Variants in RAB3IL1 observed in about 807,000 individuals in gnomAD.
RAB3IL1 encodes the protein RAB3A interacting protein like 1, also known as guanine nucleotide exchange factor for Rab-3A.
RAB3IL1 carries 37 observed loss-of-function variants against 49.2 expected under a neutral mutation model. The ratio of observed to expected loss-of-function variants is 0.75; its 90% CI spans 0.58 to 0.99. The LOEUF (loss-of-function observed/expected upper bound fraction) is 0.99, where lower values mean the gene tolerates loss of function less well. Ranked by LOEUF, RAB3IL1 falls within the 50% of genes least tolerant of loss-of-function variation. RAB3IL1 has a pLI of 0.00. For missense variants in RAB3IL1, 484 were observed against 513.0 expected, an observed-to-expected ratio of 0.94 and a Z score of 0.55; for synonymous variants, 193 against 213.9, an observed-to-expected ratio of 0.90 and a Z score of 0.85.
At chr11:61,920,400 A>G, upstream of RAB3IL1, 3 of 575,152 alleles carry the variant, frequency 5.2e-6, no homozygotes, top group Non-Finnish European at 7.6e-6. Flanking sequence ...AGGCAGCAGA[A>G]GACACTGGGC....
Position 61,902,500 on chromosome 11 carries a change from C to T in RAB3IL1, c.941G>A (p.Arg314Gln), listed in dbSNP as rs752794464. Residue 314 changes from arginine (R) to glutamine (Q), a missense_variant, in exon 8 of 10, where the codon CGA (arginine) becomes CAA (glutamine). Coordinates refer to ENST00000394836, the MANE Select transcript of RAB3IL1 (RefSeq NM_013401.4). ...LSGLTRTCRH[R>Q]IRLGDSKSHY... ...GCTTTTGGAGTCCCCGAGCCGGATT[C>T]GGTGGCGGCAGGTGCGGGTCAGCCC... 2.9e-5 allele frequency: 47 copies of T among 1,604,636 alleles called. No individual in the cohort carries two copies. In the African/African-American group the frequency reaches 4.1e-4, roughly 14 times the overall value.
chr11:61,931,745 T>C, the RAB3IL1 span, among the ~76,000 whole-genome samples: 1 of 152,136 alleles, frequency 6.6e-6, no homozygotes, highest in Non-Finnish European at 1.5e-5. Flanking sequence ...CCTGATTCTA[T>C]GAAAGTAAAC....
At position 61,899,383 on chromosome 11, in the gene RAB3IL1, G is replaced by T; in HGVS notation, c.1000-3C>A. 1 of 1,608,154 alleles carries T rather than the reference G, an allele frequency of 6.2e-7. No homozygotes were observed. ...AAGAAGTTGCACACTGCGGTGATCT[G>T]TGGGCAGAGGTGGGGACGGTGTGAC... On this transcript the variant is annotated splice_region_variant and splice_polypyrimidine_tract_variant and intron_variant, in intron 8 of 9. Coordinates refer to ENST00000394836, the MANE Select transcript of RAB3IL1 (RefSeq NM_013401.4).
the RAB3IL1 span, among the ~76,000 whole-genome samples, chr11:61,936,050 G>T: frequency 6.6e-6 from 1 of 151,908 alleles, no homozygotes; most frequent in Non-Finnish European, 1.5e-5. Context: ...GGTCAATATA[G>T]ATTAGAGCAG....
chr11:61,903,032 C>A (rs989528138), intron 7 of RAB3IL1, among the ~76,000 whole-genome samples: 3 of 152,096 alleles, frequency 2.0e-5, no homozygotes, highest in Non-Finnish European at 4.4e-5. Context: ...CGTCTAAGAG[C>A]CTTCTCCCAT....
upstream of RAB3IL1, chr11:61,917,624 C>A (rs375339708): frequency 7.0e-6 from 7 of 1,000,668 alleles, no homozygotes; most frequent in African/African-American, 1.7e-5. Flanking sequence ...TCCGCCGGCC[C>A]GGCGCTGGGA....
chr11:61,923,794 A>G (rs1040672617), upstream of RAB3IL1, among the ~76,000 whole-genome samples: 16 of 152,206 alleles, frequency 1.1e-4, no homozygotes, highest in African/African-American at 3.9e-4. Flanking sequence ...AATGTTTTGC[A>G]GCCAAAGTCC....
the RAB3IL1 span, among the ~76,000 whole-genome samples, chr11:61,927,436 C>G: frequency 6.6e-6 from 1 of 152,156 alleles, no homozygotes; most frequent in Non-Finnish European, 1.5e-5. Flanking sequence ...AGTGCAAAGT[C>G]GTCTGGGAGC....
Position 61,908,212 on chromosome 11 carries a change from G to A in RAB3IL1, c.106C>T (p.Pro36Ser). 6.5e-7 allele frequency: 1 copy of A among 1,543,298 alleles called. No homozygotes were observed. Among genetic ancestry groups the A allele is most frequent in the Non-Finnish European group, 8.7e-7 (1 of 1,144,356 alleles). The change falls in exon 2 of 10, where the codon CCA becomes TCA. Residue 36 changes from proline (P) to serine (S), a missense_variant. By Grantham distance (74) the Pro-to-Ser change is moderately conservative (BLOSUM62 -1). Coordinates refer to ENST00000394836, the MANE Select transcript of RAB3IL1 (RefSeq NM_013401.4). ...GCAGAGGTCTCCACCAGGGCTCCTG[G>A]GGACTCCCTGTGGCCTTGGCAGGGG... ...TDPCQGHRESPGALVETSAGE... is the reference protein window; with the variant it reads ...TDPCQGHRESSGALVETSAGE...
At chr11:61,922,223 T>C (rs556881394), upstream of RAB3IL1, among the ~76,000 whole-genome samples, 6 of 139,424 alleles carry the variant, frequency 4.3e-5, no homozygotes, top group South Asian at 1.1e-3. Flanking sequence ...AAAAAAAAAG[T>C]TTAAAAAAAG....
At chr11:61,920,208 C>G, upstream of RAB3IL1, 1 of 1,254,266 alleles carries the variant, frequency 8.0e-7, no homozygotes, top group East Asian at 3.1e-5. Flanking sequence ...CAAGGCCAGA[C>G]TGAGGGTCCC....
At chr11:61,907,115 G>T (rs1457591522) in intron 4 of RAB3IL1, among the ~76,000 whole-genome samples, 1 of 152,188 alleles carries the variant, frequency 6.6e-6, no homozygotes, top group African/African-American at 2.4e-5. Context: ...GGGAGGAGAG[G>T]GAAGAAGGTA....
intron 1 of RAB3IL1, among the ~76,000 whole-genome samples, chr11:61,912,782 G>A (rs763926281): frequency 2.5e-4 from 38 of 152,180 alleles, no homozygotes; most frequent in Non-Finnish European, 4.0e-4. Flanking sequence ...CTGAGACAGC[G>A]CCCAAGTACT....
At chr11:61,925,588 TCACA>T in the RAB3IL1 span, among the ~76,000 whole-genome samples, 1 of 150,766 alleles carries the variant, frequency 6.6e-6, no homozygotes, top group Non-Finnish European at 1.5e-5. Context: ...TGAGCCAACA[TCACA>T]CCACTGCACT....
intron 1 of RAB3IL1, among the ~76,000 whole-genome samples, chr11:61,910,792 A>G (rs1939422852): frequency 6.6e-6 from 1 of 152,198 alleles, no homozygotes; most frequent in South Asian, 2.1e-4. Flanking sequence ...CCCCACCTTA[A>G]TCATCATGGC....
the RAB3IL1 span, among the ~76,000 whole-genome samples, chr11:61,927,944 T>C: frequency 1 from 152,107 of 152,298 alleles, 75,959 homozygotes; most frequent in Non-Finnish European, 1. Flanking sequence ...GTTCTTATAG[T>C]AGTGTGAGAA....
At chr11:61,944,779 C>T in the RAB3IL1 span, among the ~76,000 whole-genome samples, 1 of 152,314 alleles carries the variant, frequency 6.6e-6, no homozygotes, top group Admixed American at 6.5e-5. Context: ...TCACTGCAAC[C>T]TCTGTCTCCC....
Position 61,908,263 on chromosome 11 carries a change from C to T in RAB3IL1, c.55G>A (p.Val19Ile). ...DQGLPPPLAA[V>I]PVPWKSTDPC... Reference sequence around the variant, plus strand: ...TCCGTGCTCTTCCAGGGGACCGGGACAGCTGCAAGGGGCGGCGGGAGGCCC... The same window carrying T: ...TCCGTGCTCTTCCAGGGGACCGGGATAGCTGCAAGGGGCGGCGGGAGGCCC... The change falls in exon 2 of 10, where the codon GTC becomes ATC. Residue 19 changes from valine (V) to isoleucine (I), a missense_variant. Coordinates refer to ENST00000394836, the MANE Select transcript of RAB3IL1 (RefSeq NM_013401.4). The T allele has an allele frequency of 6.6e-7, 1 of 1,519,066 alleles. No individual in the cohort carries two copies. The highest frequency in any genetic ancestry group is 2.0e-4 in the Middle Eastern group (1 of 4,940). 94.1% of individuals were successfully genotyped at this position (1,519,066 alleles called of 1,614,324 possible).
At chr11:61,904,713 G>A (rs756761448) in intron 6 of RAB3IL1, 41 bp downstream of exon 6, 11 of 1,582,920 alleles carry the variant, frequency 6.9e-6, no homozygotes, top group Non-Finnish European at 8.6e-6. Context: ...CCTGGCGGAG[G>A]GGTGTGTCCC....
Sources: gnomAD v4.1 joint callset for allele counts (sites outside exome capture counted in the v4.1 genomes callset) on GRCh38, gnomAD v4.1.1 for gene constraint, MANE v1.5 for transcripts, NCBI Gene and HGNC (gene_info 2026-07-23, HGNC 2026-07-21) for gene names.